Variants in DOCK11 observed in about 807,000 individuals in gnomAD.
The protein encoded by DOCK11 is dedicator of cytokinesis 11.
DOCK11 carries 70 observed loss-of-function variants against 169.1 expected under a neutral mutation model. That is an observed-to-expected ratio of 0.41 (90% CI 0.34 to 0.51). DOCK11 has a LOEUF of 0.51. DOCK11 is among the 20% of genes least tolerant of loss of function. DOCK11 has a pLI of 0.10. For synonymous variants in DOCK11, 529 were observed against 541.3 expected (o/e 0.98, Z 0.32); for missense variants, 1,166 against 1,538.8 (o/e 0.76, Z 4.05).
intron 20 of DOCK11, among the ~76,000 whole-genome samples, chrX:118,594,396 T>C (rs1354863901): frequency 1.8e-5 from 2 of 112,200 alleles, no homozygotes; most frequent in Non-Finnish European, 3.8e-5. Flanking sequence ...TTGGAAACTT[T>C]TTGAGCACTG....
Position 118,685,810 on chromosome X carries a change from A to C in DOCK11, c.*3A>C, listed in dbSNP as rs2379118. 207,504 of 1,208,689 alleles carry C rather than the reference A, an allele frequency of 0.17. 12,289 individuals are homozygous for C. The highest frequency in any genetic ancestry group is 0.26 in the Admixed American group (12,069 of 45,558). ...CCCCAAGATACGCTGAAGTGTGAGG[A>C]AATGCAGATGTACGTGACAATGAGA... On this transcript the variant is annotated 3_prime_UTR_variant, in exon 53 of 53. Coordinates refer to ENST00000276202, the MANE Select transcript of DOCK11 (RefSeq NM_144658.4).
chrX:118,544,717 G>A (rs1269411574), intron 4 of DOCK11, among the ~76,000 whole-genome samples: 1 of 88,467 alleles, frequency 1.1e-5, no homozygotes, highest in Non-Finnish European at 2.1e-5. Flanking sequence ...CTGGAGTGCA[G>A]TGGCGCGATC....
In DOCK11 at chrX:118,681,039, A is replaced by C. The variant is rs765085615; in HGVS notation, c.5672-19A>C. On this transcript the variant is annotated intron_variant, in intron 49 of 52. Transcript: ENST00000276202. ...AATGATTTTCTAAAGTCAGTAAATC[A>C]ATCTTAACATTTTAATAGCTTCAAA... is the stretch of plus-strand genomic sequence containing the variant. The C allele has an allele frequency of 4.4e-6, 5 of 1,127,196 alleles. No homozygotes were observed. In the African/African-American group the frequency reaches 7.4e-5, roughly 17 times the overall value. The allele number at this position is 1,127,196 out of a possible 1,213,427, so 92.9% of individuals were successfully genotyped here.
rs907361718 is a variant in DOCK11, at chrX:118,604,703, T to A, written c.2563-535T>A. Among the ~76,000 whole-genome samples the A allele has an allele frequency of 2.6e-4, 29 of 110,769 alleles. No individual in the cohort carries two copies. In the Admixed American group the frequency reaches 2.8e-3, roughly 11 times the overall value. ...CGCACTTATCATTGGAGACACAGTG[T>A]TAGCACTTTGAAGGAAATGTATTGT... On this transcript the variant is annotated intron_variant, in intron 23 of 52. Coordinates refer to ENST00000276202, the MANE Select transcript of DOCK11 (RefSeq NM_144658.4).
chrX:118,624,752 C>CA, intron 32 of DOCK11, 97 bp downstream of exon 32: 16 of 289,174 alleles, frequency 5.5e-5, no homozygotes, highest in Non-Finnish European at 8.9e-5. Flanking sequence ...CTTAAGAGTT[C>CA]ACTTTTTTTT....
At chrX:118,506,673 A>T (rs1044703758) in intron 1 of DOCK11, among the ~76,000 whole-genome samples, 1 of 112,218 alleles carries the variant, frequency 8.9e-6, no homozygotes, top group Non-Finnish European at 1.9e-5. Context: ...CAAAAAAAAA[A>T]TTATATTTTG....
At chrX:118,671,244 C>A in intron 46 of DOCK11, 99 bp downstream of exon 46, 1 of 788,273 alleles carries the variant, frequency 1.3e-6, no homozygotes, top group Non-Finnish European at 1.8e-6. Flanking sequence ...GACTTGTGTC[C>A]TCTGAAGAAT....
At position 118,619,848 on chromosome X, in the gene DOCK11, C is replaced by T. The variant is rs376633952; in HGVS notation, c.3471+1120C>T. Among the ~76,000 whole-genome samples the T allele has an allele frequency of 1.5e-4, 16 of 105,345 alleles. No homozygotes were observed. The East Asian group carries it at 3.5e-3, about 23-fold the overall frequency. 91.5% of individuals were successfully genotyped at this position (105,345 alleles called of 115,157 possible). Reference sequence around the variant, plus strand: ...TTTTTTTTTTTTTGAGATGGAGTCTCGCTCTGCCACCCAGGCTGGAGTGCA... The same window carrying T: ...TTTTTTTTTTTTTGAGATGGAGTCTTGCTCTGCCACCCAGGCTGGAGTGCA... On this transcript the variant is annotated intron_variant, in intron 31 of 52. Transcript: ENST00000276202.
intron 6 of DOCK11, among the ~76,000 whole-genome samples, chrX:118,555,767 C>G (rs1014419719): frequency 9.1e-6 from 1 of 110,216 alleles, no homozygotes; most frequent in African/African-American, 3.3e-5. Flanking sequence ...CAGAACAGTT[C>G]TAAGACCCAG....
chrX:118,557,295 C>T (rs899437275), intron 6 of DOCK11, among the ~76,000 whole-genome samples: 1 of 110,761 alleles, frequency 9.0e-6, no homozygotes, highest in Non-Finnish European at 1.9e-5. Context: ...GAAGGCCTCC[C>T]AGAGGAGGGG....
chrX:118,552,222 G>A lies in DOCK11; in HGVS notation c.558+6106G>A, dbSNP rs536269971. Among the ~76,000 whole-genome samples the A allele has an allele frequency of 8.9e-5, 10 of 111,774 alleles. No homozygotes were observed. In the South Asian group the frequency reaches 3.7e-3, roughly 41 times the overall value. ...AGATCTTTTGAGAAAGCAACCACAT[G>A]GCCTTTAATGCAATCTAAATAATAT... On this transcript the variant is annotated intron_variant, in intron 6 of 52. Coordinates refer to ENST00000276202, the MANE Select transcript of DOCK11 (RefSeq NM_144658.4).
At chrX:118,619,494 A>AT (rs2014911362) in intron 31 of DOCK11, among the ~76,000 whole-genome samples, 5 of 97,458 alleles carry the variant, frequency 5.1e-5, no homozygotes, top group African/African-American at 1.8e-4. Context: ...AAAAAAAAAA[A>AT]AAAATATATA....
intron 11 of DOCK11, among the ~76,000 whole-genome samples, chrX:118,573,547 C>A (rs887166435): frequency 6.2e-5 from 7 of 112,100 alleles, no homozygotes; most frequent in African/African-American, 2.3e-4. Context: ...CTTTTGATTT[C>A]CATTTTTTTG....
rs990119602 is a variant in DOCK11 at position 118,672,007 on chromosome X, C to G, written c.5199+862C>G. Among the ~76,000 whole-genome samples, 33 of 112,365 alleles carry G rather than the reference C, an allele frequency of 2.9e-4. No homozygotes were observed. In the Admixed American group the frequency reaches 3.0e-3, roughly 10 times the overall value. ...AAATATTTTTATCTAGCAACCTCCC[C>G]TCTTCCTCTCAGAGCGTAAAATAAT... On this transcript the variant is annotated intron_variant, in intron 46 of 52. Coordinates refer to ENST00000276202, the MANE Select transcript of DOCK11 (RefSeq NM_144658.4).
Position 118,578,519 on chromosome X carries a change from T to TC in DOCK11, c.1390-3dup. The TC allele has an allele frequency of 8.3e-7, 1 of 1,207,104 alleles. No homozygotes were observed. On this transcript the variant is annotated splice_polypyrimidine_tract_variant and splice_region_variant and intron_variant, in intron 12 of 52. Coordinates refer to ENST00000276202, the MANE Select transcript of DOCK11 (RefSeq NM_144658.4). Reference sequence around the variant, plus strand: ...AGAAAGTCTAACGGAAGTACTTTTTTCCCAGGGAATTTTCTCAGTGACGAA... The same window carrying TC: ...AGAAAGTCTAACGGAAGTACTTTTTTCCCCAGGGAATTTTCTCAGTGACGAA...
intron 30 of DOCK11, among the ~76,000 whole-genome samples, chrX:118,615,936 G>C (rs1161383802): frequency 8.9e-6 from 1 of 112,069 alleles, no homozygotes; most frequent in Non-Finnish European, 1.9e-5. Flanking sequence ...CTTAAACACA[G>C]ATGTCAGATA....
At chrX:118,635,576 A>C (rs2015365893) in intron 35 of DOCK11, among the ~76,000 whole-genome samples, 1 of 111,977 alleles carries the variant, frequency 8.9e-6, no homozygotes, top group Non-Finnish European at 1.9e-5. Flanking sequence ...GAAGTTTAAA[A>C]TTCTCTTTTT....
At chrX:118,517,515 A>G (rs890630369) in intron 1 of DOCK11, among the ~76,000 whole-genome samples, 1 of 110,987 alleles carries the variant, frequency 9.0e-6, no homozygotes, top group Non-Finnish European at 1.9e-5. Flanking sequence ...ATTTTTATAA[A>G]CAGAAGATGT....
chrX:118,589,316 A>T (rs958510005), intron 18 of DOCK11, among the ~76,000 whole-genome samples: 1 of 111,922 alleles, frequency 8.9e-6, no homozygotes, highest in Non-Finnish European at 1.9e-5. Context: ...AGATGAGAAC[A>T]ACTGCTCTAT....
Sources: allele counts gnomAD v4.1 joint callset (sites outside exome capture counted in the v4.1 genomes callset), GRCh38; gene constraint gnomAD v4.1.1; transcripts MANE v1.5; gene names NCBI Gene and HGNC (gene_info 2026-07-23, HGNC 2026-07-21).